Variants in MYO5A observed in about 807,000 individuals in gnomAD.
MYO5A encodes the protein unconventional myosin-Va.
MYO5A carries 98 observed loss-of-function variants against 249.7 expected under a neutral mutation model. That is an observed-to-expected ratio of 0.39 (90% CI 0.33 to 0.46). The LOEUF (loss-of-function observed/expected upper bound fraction) is 0.46, where lower values mean the gene tolerates loss of function less well. Ranked by LOEUF, MYO5A falls within the 20% of genes least tolerant of loss-of-function variation. The probability of loss-of-function intolerance (pLI) is 0.98; values close to 1 mark genes in which losing one functional copy is unlikely to be tolerated. For synonymous variants in MYO5A, 778 were observed against 810.6 expected, an observed-to-expected ratio of 0.96 and a Z score of 0.68; for missense variants, 1,696 against 2,308.8, an observed-to-expected ratio of 0.73 and a Z score of 5.44.
At position 52,309,262 on chromosome 15, in the gene MYO5A, G is replaced by A. The variant is rs548309697; in HGVS notation, c.*4434C>T. 4 of 152,296 alleles carry A rather than the reference G, an allele frequency of 2.6e-5. No individual in the cohort carries two copies. Among genetic ancestry groups the A allele is most frequent in the Admixed American group, 2.0e-4 (3 of 15,300 alleles). 9.4% of individuals were successfully genotyped at this position (152,296 alleles called of 1,614,324 possible). ...AAACAGAGTATTGCATCCTCCCAGA[G>A]AGCACTGATTCATGACAGAAGTCAA... On this transcript the variant is annotated 3_prime_UTR_variant, in exon 42 of 42. Coordinates refer to ENST00000399233, the MANE Select transcript of MYO5A (RefSeq NM_001382347.1).
chr15:52,519,484 C>T (rs1007702543), intron 1 of MYO5A, among the ~76,000 whole-genome samples: 3 of 151,964 alleles, frequency 2.0e-5, no homozygotes, highest in Non-Finnish European at 2.9e-5. Flanking sequence ...TGGTGGCATG[C>T]GCTTACAGTC....
At position 52,314,077 on chromosome 15, in the gene MYO5A, C is replaced by A. The variant is rs368324062; in HGVS notation, c.5490+46G>T. The A allele has an allele frequency of 6.5e-5, 96 of 1,488,264 alleles. 1 individual carries two copies. Among genetic ancestry groups the A allele is most frequent in the Non-Finnish European group, 8.8e-5 (94 of 1,067,546 alleles). The allele number at this position is 1,488,264 out of a possible 1,614,324, so 92.2% of individuals were successfully genotyped here. Reference sequence around the variant, plus strand: ...TTCAATAAATTACAAAATGTCCATTCAAAAGACTGTGTTGGTGAATCAAAG... The same window carrying A: ...TTCAATAAATTACAAAATGTCCATTAAAAAGACTGTGTTGGTGAATCAAAG... On this transcript the variant is annotated intron_variant, in intron 41 of 41. Coordinates refer to ENST00000399233, the MANE Select transcript of MYO5A (RefSeq NM_001382347.1).
chr15:52,478,134 G>A (rs566226390), intron 1 of MYO5A, among the ~76,000 whole-genome samples: 9 of 152,318 alleles, frequency 5.9e-5, no homozygotes, highest in East Asian at 1.9e-4. Context: ...CCCCAGCCTC[G>A]CTGCCACCTT....
At chr15:52,453,640 C>G (rs570503569) in intron 1 of MYO5A, among the ~76,000 whole-genome samples, 1 of 151,804 alleles carries the variant, frequency 6.6e-6, no homozygotes, top group African/African-American at 2.4e-5. Flanking sequence ...AGCAGGAACC[C>G]GTTAAGAGAT....
intron 1 of MYO5A, among the ~76,000 whole-genome samples, chr15:52,467,285 G>A (rs1443581297): frequency 1.3e-5 from 2 of 152,090 alleles, no homozygotes; most frequent in Non-Finnish European, 2.9e-5. Flanking sequence ...AAGAAAATCA[G>A]AAAATCAATT....
intron 24 of MYO5A, among the ~76,000 whole-genome samples, chr15:52,362,645 A>G (rs561382363): frequency 6.6e-6 from 1 of 152,320 alleles, no homozygotes; most frequent in East Asian, 1.9e-4. Flanking sequence ...ACTGAGTCAC[A>G]GGCATACAAT....
chr15:52,379,516 C>A (rs1199841937), intron 18 of MYO5A, 109 bp downstream of exon 18: 2 of 925,288 alleles, frequency 2.2e-6, no homozygotes, highest in Non-Finnish European at 3.5e-6. Flanking sequence ...CTGATCCCAC[C>A]CCGAAATGAT....
At chr15:52,367,687 G>C (rs1352881905) in intron 22 of MYO5A, among the ~76,000 whole-genome samples, 1 of 152,116 alleles carries the variant, frequency 6.6e-6, no homozygotes, top group Non-Finnish European at 1.5e-5. Context: ...TCTCCCATCT[G>C]ATGTCAAGAA....
At position 52,372,016 on chromosome 15, in the gene MYO5A, C is replaced by G. The variant is rs1342224439; in HGVS notation, c.2817+108G>C. The G allele has an allele frequency of 2.6e-6, 4 of 1,537,198 alleles. No homozygotes were observed. In the East Asian group the frequency reaches 9.0e-5, roughly 35 times the overall value. On this transcript the variant is annotated intron_variant, in intron 21 of 41. Transcript: ENST00000399233. ...GGAAATAAATACGGTCATAATTTTA[C>G]TTTTTACTAAGACCGAAGGGTAAAG...
chr15:52,388,000 A>G, intron 13 of MYO5A, 88 bp from the exon 14 acceptor site: 1 of 978,986 alleles, frequency 1.0e-6, no homozygotes. Flanking sequence ...TATTAGTCTC[A>G]GGCTATACGA....
At chr15:52,448,802 C>T (rs981157168) in intron 1 of MYO5A, among the ~76,000 whole-genome samples, 1 of 152,060 alleles carries the variant, frequency 6.6e-6, no homozygotes, top group African/African-American at 2.4e-5. Flanking sequence ...GCTGTGCCTG[C>T]TTCCCTTAAC....
At chr15:52,495,697 A>G (rs1193772140) in intron 1 of MYO5A, among the ~76,000 whole-genome samples, 1 of 152,230 alleles carries the variant, frequency 6.6e-6, no homozygotes, top group African/African-American at 2.4e-5. Flanking sequence ...ATAGATAGAT[A>G]AATAGAAGTT....
chr15:52,394,947 T>C (rs563265350), intron 11 of MYO5A, among the ~76,000 whole-genome samples: 30 of 152,344 alleles, frequency 2.0e-4, no homozygotes, highest in South Asian at 4.1e-4. Context: ...GCCTAAAGTT[T>C]TAAGATCACT....
intron 34 of MYO5A, chr15:52,331,743 C>T (rs1049414517): frequency 5.1e-6 from 5 of 985,288 alleles, no homozygotes; most frequent in Non-Finnish European, 6.0e-6. Flanking sequence ...GGTGACACAC[C>T]GTCCACCTCA....
chr15:52,527,620 T>A (rs973466200), intron 1 of MYO5A, among the ~76,000 whole-genome samples: 8 of 152,234 alleles, frequency 5.3e-5, no homozygotes, highest in African/African-American at 1.9e-4. Flanking sequence ...AAGGCAAGTA[T>A]AATTAACTGC....
intron 1 of MYO5A, among the ~76,000 whole-genome samples, chr15:52,493,407 A>T (rs560039154): frequency 1.4e-3 from 218 of 152,316 alleles, no homozygotes; most frequent in African/African-American, 5.1e-3. Flanking sequence ...TCACACCTGT[A>T]ATCTCAGCAC....
chr15:52,416,019 A>C, intron 5 of MYO5A, 126 bp downstream of exon 5: 1 of 1,146,436 alleles, frequency 8.7e-7, no homozygotes, highest in Non-Finnish European at 1.3e-6. Context: ...ACATGTAGAA[A>C]AGCATTTTCT....
intron 25 of MYO5A, among the ~76,000 whole-genome samples, chr15:52,357,767 C>T (rs2040318319): frequency 6.6e-6 from 1 of 152,200 alleles, no homozygotes. Context: ...ATTGGGCCAT[C>T]TGTCACAGAG....
At chr15:52,322,465 CT>C (rs1227632747) in intron 37 of MYO5A, among the ~76,000 whole-genome samples, 1 of 152,220 alleles carries the variant, frequency 6.6e-6, no homozygotes, top group Non-Finnish European at 1.5e-5. Context: ...AGCTCTGCTC[CT>C]TGTGGCCAAG....
Sources: allele counts gnomAD v4.1 joint callset (sites outside exome capture counted in the v4.1 genomes callset), GRCh38; gene constraint gnomAD v4.1.1; transcripts MANE v1.5; gene names NCBI Gene and HGNC (gene_info 2026-07-23, HGNC 2026-07-21).